The following KIRREL1 variants were observed in gnomAD, a reference collection of about 807,000 sequenced individuals.
KIRREL1 encodes kirre like nephrin family adhesion molecule 1.
In KIRREL1, 25 loss-of-function variants were observed where a neutral mutation model predicts 83.3. That is an observed-to-expected ratio of 0.30 (90% CI 0.22 to 0.42). The LOEUF (loss-of-function observed/expected upper bound fraction) is 0.42, where lower values mean the gene tolerates loss of function less well. Ranked by LOEUF, KIRREL1 falls within the 10% of genes least tolerant of loss-of-function variation. The pLI is 1.00. For missense variants in KIRREL1, 812 were observed against 1,032.3 expected, an observed-to-expected ratio of 0.79 and a Z score of 2.92; for synonymous variants, 388 against 410.4, an observed-to-expected ratio of 0.95 and a Z score of 0.66.
At chr1:158,033,223 C>T (rs1187092208) in intron 1 of KIRREL1, among the ~76,000 whole-genome samples, 1 of 152,146 alleles carries the variant, frequency 6.6e-6, no homozygotes, top group African/African-American at 2.4e-5. Context: ...AGGCGCCCAC[C>T]ACCATGCCCA....
chr1:158,087,725 G>T, intron 5 of KIRREL1, 30 bp from the exon 6 acceptor site: 2 of 1,536,404 alleles, frequency 1.3e-6, no homozygotes, highest in South Asian at 1.1e-5. Context: ...GGACAGAAAA[G>T]ACCCTGACTC....
intron 1 of KIRREL1, among the ~76,000 whole-genome samples, chr1:158,074,697 C>G (rs1661618828): frequency 6.6e-6 from 1 of 151,988 alleles, no homozygotes; most frequent in Non-Finnish European, 1.5e-5. Context: ...ACATGTAGAG[C>G]AGGTTTGAGG....
At chr1:158,090,158 A>G (rs1024275438) in intron 10 of KIRREL1, among the ~76,000 whole-genome samples, 3 of 149,882 alleles carry the variant, frequency 2.0e-5, no homozygotes, top group Admixed American at 6.6e-5. Flanking sequence ...TTAGTTCCCC[A>G]CTCTCTCCCC....
chr1:158,016,846 G>A (rs1013726891), intron 1 of KIRREL1, among the ~76,000 whole-genome samples: 1 of 152,162 alleles, frequency 6.6e-6, no homozygotes, highest in Non-Finnish European at 1.5e-5. Context: ...AGACAATAGG[G>A]TAAGACAAGA....
At position 158,094,460 on chromosome 1, in the gene KIRREL1, G is replaced by A; in HGVS notation, c.1797+70G>A. The A allele has an allele frequency of 6.7e-7, 1 of 1,495,132 alleles. No individual in the cohort carries two copies. Among genetic ancestry groups the A allele is most frequent in the Non-Finnish European group, 9.3e-7 (1 of 1,077,278 alleles). The allele number at this position is 1,495,132 out of a possible 1,614,324, so 92.6% of individuals were successfully genotyped here. A position where few individuals can be genotyped will look rare whatever the true frequency, so the allele number is the denominator to read the frequency against. On this transcript the variant is annotated intron_variant, in intron 14 of 14. Transcript: ENST00000359209. This position sits in a 1 kb window ranked among gnomAD's most constrained non-coding sequence, Gnocchi z 4.6. ...GTGGGTTTCTGAGGTCCTGTAGCGG[G>A]GAGGTGAGGTGAGGACAGACTTGGG...
intron 1 of KIRREL1, among the ~76,000 whole-genome samples, chr1:158,010,360 CA>C (rs58677667): frequency 0.34 from 45,774 of 135,644 alleles, 9,002 homozygotes; most frequent in Non-Finnish European, 0.45. Context: ...CACACACACA[CA>C]CCCCACACAG....
chr1:158,079,738 C>T lies in KIRREL1; in HGVS notation c.352+1598C>T, dbSNP rs1198660242. Among the ~76,000 whole-genome samples the T allele has an allele frequency of 2.0e-5, 3 of 152,188 alleles. No homozygotes were observed. In the South Asian group the frequency reaches 6.2e-4, roughly 32 times the overall value. ...GGTTAGGAGACCTGGGCACTTTGGC[C>T]ATTTTGGCATCATGATCCTAAAGAG... On this transcript the variant is annotated intron_variant, in intron 3 of 14. Coordinates refer to ENST00000359209, the MANE Select transcript of KIRREL1 (RefSeq NM_018240.7).
intron 1 of KIRREL1, among the ~76,000 whole-genome samples, chr1:158,073,933 A>G (rs1293763279): frequency 6.6e-6 from 1 of 152,158 alleles, no homozygotes; most frequent in Non-Finnish European, 1.5e-5. Flanking sequence ...TCCACCTCTG[A>G]GCCAGGGCTC....
At chr1:158,057,243 G>T (rs1262843358) in intron 1 of KIRREL1, among the ~76,000 whole-genome samples, 4 of 152,090 alleles carry the variant, frequency 2.6e-5, no homozygotes, top group Non-Finnish European at 5.9e-5. Context: ...GGACACGTGG[G>T]ATGGTCTCTG....
At chr1:158,015,088 T>C (rs1659793271) in intron 1 of KIRREL1, among the ~76,000 whole-genome samples, 1 of 152,174 alleles carries the variant, frequency 6.6e-6, no homozygotes, top group Admixed American at 6.5e-5. Flanking sequence ...CTTTTGTTTT[T>C]TAAATGAGTT....
intron 1 of KIRREL1, among the ~76,000 whole-genome samples, chr1:158,054,303 G>A (rs142070190): frequency 1.4e-4 from 21 of 151,830 alleles, no homozygotes; most frequent in African/African-American, 4.6e-4. Context: ...GACCAAAGGG[G>A]AGGCTGCTTA....
chr1:158,063,042 G>A (rs1661256391), intron 1 of KIRREL1, among the ~76,000 whole-genome samples: 1 of 152,174 alleles, frequency 6.6e-6, no homozygotes. Flanking sequence ...TTATGTTTCT[G>A]TGTCTTGGCT....
intron 1 of KIRREL1, among the ~76,000 whole-genome samples, chr1:158,043,842 G>A (rs1439388505): frequency 2.0e-5 from 3 of 152,204 alleles, no homozygotes; most frequent in Non-Finnish European, 4.4e-5. Context: ...ATGCTTTGAC[G>A]CCACAAAGGA....
chr1:158,026,267 G>A lies in KIRREL1; in HGVS notation c.52+32539G>A, dbSNP rs370363012. Among the ~76,000 whole-genome samples, 11 of 152,294 alleles carry A rather than the reference G, an allele frequency of 7.2e-5. No homozygotes were observed. In the East Asian group the frequency reaches 1.7e-3, roughly 24 times the overall value. On this transcript the variant is annotated intron_variant, in intron 1 of 14. Transcript: ENST00000359209. ...GGCACAGAAAGCACACCAGGGGTAG[G>A]TGGAATTCCAGCCTCTGGCCGGTGT...
intron 1 of KIRREL1, among the ~76,000 whole-genome samples, chr1:158,040,572 C>T (rs10796993): frequency 0.81 from 123,149 of 152,262 alleles, 50,363 homozygotes; most frequent in East Asian, 0.99. Context: ...TAGGAGAATA[C>T]AAAAGGAGTT....
chr1:158,027,294 T>C (rs12039337), intron 1 of KIRREL1, among the ~76,000 whole-genome samples: 8,878 of 152,276 alleles, frequency 0.058, 319 homozygotes, highest in South Asian at 0.2. Context: ...TGGGAAGGAA[T>C]GTGGAGCTTC....
At chr1:158,033,351 C>T (rs780288182) in intron 1 of KIRREL1, among the ~76,000 whole-genome samples, 5 of 152,194 alleles carry the variant, frequency 3.3e-5, no homozygotes, top group Admixed American at 1.3e-4. Context: ...GGATTACAGG[C>T]GTGAGCCACC....
chr1:158,082,403 G>A (rs957127932), intron 3 of KIRREL1, among the ~76,000 whole-genome samples: 18 of 151,806 alleles, frequency 1.2e-4, no homozygotes, highest in African/African-American at 4.4e-4. Context: ...TTGAAACCAG[G>A]CAGTCTGAAT....
chr1:158,074,773 T>C (rs193226748), intron 1 of KIRREL1, among the ~76,000 whole-genome samples: 7 of 152,254 alleles, frequency 4.6e-5, no homozygotes, highest in Non-Finnish European at 1.0e-4. Context: ...ATCCCACTTC[T>C]GTGGTGGCTT....
Sources: gnomAD v4.1 joint callset for allele counts (sites outside exome capture counted in the v4.1 genomes callset) on GRCh38, gnomAD v4.1.1 for gene constraint, Gnocchi (gnomAD v3.1) non-coding constraint, MANE v1.5 for transcripts, NCBI Gene and HGNC (gene_info 2026-07-23, HGNC 2026-07-21) for gene names.